Variants in ARID1B observed in about 807,000 individuals in gnomAD.
ARID1B encodes AT-rich interactive domain-containing protein 1B.
Under a neutral mutation model 212.3 loss-of-function variants are expected in ARID1B, and 30 were observed. The observed-to-expected ratio is 0.14, with a 90% confidence interval of 0.11 to 0.19. The LOEUF (loss-of-function observed/expected upper bound fraction) is 0.19, where lower values mean the gene tolerates loss of function less well. Ranked by LOEUF, ARID1B falls within the 10% of genes least tolerant of loss-of-function variation. ARID1B has a pLI of 1.00. For missense variants in ARID1B, 2,891 were observed against 3,204.0 expected, an observed-to-expected ratio of 0.90 and a Z score of 2.36; for synonymous variants, 1,402 against 1,301.7, an observed-to-expected ratio of 1.08 and a Z score of -1.66.
chr6:156,797,563 C>T (rs573625761), intron 1 of ARID1B, among the ~76,000 whole-genome samples: 157 of 152,268 alleles, frequency 1.0e-3, no homozygotes, highest in African/African-American at 3.4e-3. Context: ...ACCTTGCAAG[C>T]GCAAGGTTCT....
At chr6:156,807,555 A>G (rs1781263711) in intron 1 of ARID1B, among the ~76,000 whole-genome samples, 1 of 151,020 alleles carries the variant, frequency 6.6e-6, no homozygotes, top group Admixed American at 6.6e-5. Flanking sequence ...GAATATTTAA[A>G]CTCTCATTTA....
At chr6:157,179,039 T>A (rs1792319584) in intron 11 of ARID1B, among the ~76,000 whole-genome samples, 1 of 152,248 alleles carries the variant, frequency 6.6e-6, no homozygotes, top group Non-Finnish European at 1.5e-5. Context: ...TTACCTCAGT[T>A]TTTTACAAAT....
At chr6:156,797,622 G>T (rs138416245) in intron 1 of ARID1B, among the ~76,000 whole-genome samples, 40 of 152,336 alleles carry the variant, frequency 2.6e-4, no homozygotes, top group African/African-American at 8.9e-4. Flanking sequence ...TTTTTTGAAG[G>T]TGTTCCTGCT....
intron 3 of ARID1B, 42 bp downstream of exon 3, chr6:156,901,567 C>T (rs778691255): frequency 1.5e-5 from 24 of 1,578,944 alleles, no homozygotes; most frequent in Admixed American, 1.8e-5. Context: ...GTTTTCTCCA[C>T]CAAGGCAGAC....
intron 3 of ARID1B, among the ~76,000 whole-genome samples, chr6:156,925,205 G>T (rs1439697767): frequency 2.0e-5 from 3 of 152,170 alleles, no homozygotes; most frequent in Non-Finnish European, 4.4e-5. Flanking sequence ...GGGACTGCAG[G>T]TCCTTGTTTA....
chr6:156,935,675 G>A, intron 4 of ARID1B, 99 bp downstream of exon 4: 2 of 1,116,938 alleles, frequency 1.8e-6, no homozygotes, highest in Non-Finnish European at 2.6e-6. Context: ...TGACATGATT[G>A]AGAAGTTTCT....
At chr6:156,871,728 T>C in intron 2 of ARID1B, 1 of 1,520,756 alleles carries the variant, frequency 6.6e-7, no homozygotes. Flanking sequence ...AGCTGGCACA[T>C]CTGTGTTGTT....
At chr6:156,909,140 T>TA (rs1789658213) in intron 3 of ARID1B, among the ~76,000 whole-genome samples, 1 of 146,780 alleles carries the variant, frequency 6.8e-6, no homozygotes, top group African/African-American at 2.5e-5. Flanking sequence ...TTTTTTTTTT[T>TA]TTTGAGACAG....
intron 4 of ARID1B, among the ~76,000 whole-genome samples, chr6:157,043,567 T>G (rs1359899218): frequency 6.6e-6 from 1 of 152,238 alleles, no homozygotes; most frequent in East Asian, 1.9e-4. Context: ...CATATTGACT[T>G]TCACATGGTA....
At chr6:157,172,824 C>T (rs1791813790) in intron 9 of ARID1B, 1 of 150,668 alleles carries the variant, frequency 6.6e-6, no homozygotes, top group South Asian at 2.1e-4. Context: ...TTTCTTGGCA[C>T]ATAACGCTAC....
At chr6:156,789,041 C>T (rs142418924) in intron 1 of ARID1B, among the ~76,000 whole-genome samples, 151 of 152,310 alleles carry the variant, frequency 9.9e-4, no homozygotes, top group African/African-American at 3.5e-3. Flanking sequence ...CCTCAAAGTG[C>T]ACCATCTAAG....
rs1188660877 is a variant in ARID1B, at chr6:156,778,225, A to C, written c.545A>C (p.His182Pro). The change falls in exon 1 of 20, where the codon CAC becomes CCC. Residue 182 changes from histidine to proline, a missense_variant. Physicochemically the swap from His to Pro is moderately conservative, Grantham distance 77 (BLOSUM62 -2). This residue lies in a region of ARID1B where 1,643 missense variants were observed against 1,544.0 expected (regional missense o/e 1.06). Coordinates refer to ENST00000636930, the MANE Select transcript of ARID1B (RefSeq NM_001374828.1). Reference protein sequence around the residue: ...HAHHHHHHAHHLHHHHALQQQ... With the variant: ...HAHHHHHHAHPLHHHHALQQQ... Reference sequence around the variant, plus strand: ...CACCACCACCACCACCATGCCCACCACCTCCACCACCACCACGCACTACAG... The same window carrying C: ...CACCACCACCACCACCATGCCCACCCCCTCCACCACCACCACGCACTACAG... The C allele has an allele frequency of 3.3e-6, 5 of 1,538,174 alleles. No homozygotes were observed. The highest frequency in any genetic ancestry group is 1.4e-5 in the African/African-American group (1 of 72,632).
At chr6:157,097,667 T>C (rs960016904) in intron 5 of ARID1B, among the ~76,000 whole-genome samples, 1 of 152,142 alleles carries the variant, frequency 6.6e-6, no homozygotes, top group African/African-American at 2.4e-5. Flanking sequence ...TAAAGGAAAG[T>C]GCCTTGGCTT....
In ARID1B at chr6:156,993,045, C is replaced by CTTT. The variant is rs11372694; in HGVS notation, c.2247+57483_2247+57485dup. Among the ~76,000 whole-genome samples, 616 of 135,286 alleles carry CTTT rather than the reference C, an allele frequency of 4.6e-3. 6 individuals are homozygous for CTTT. The highest frequency in any genetic ancestry group is 0.016 in the African/African-American group (581 of 36,516). The allele number at this position is 135,286 out of a possible 152,430, so 88.8% of individuals were successfully genotyped here. A position where few individuals can be genotyped will look rare whatever the true frequency, so the allele number is the denominator to read the frequency against. On this transcript the variant is annotated intron_variant, in intron 4 of 19. Coordinates refer to ENST00000636930, the MANE Select transcript of ARID1B (RefSeq NM_001374828.1). ...CCATAATTGTATATATATGCTTTCG[C>CTTT]TTTTTTTTTTTTTTTTAAGATGGAG...
chr6:157,139,334 T>C (rs955313163), intron 7 of ARID1B, among the ~76,000 whole-genome samples: 1 of 152,152 alleles, frequency 6.6e-6, no homozygotes, highest in Non-Finnish European at 1.5e-5. Context: ...ACTTGCCCTC[T>C]TAGCAAGGTA....
intron 4 of ARID1B, among the ~76,000 whole-genome samples, chr6:157,035,786 T>C (rs1781291172): frequency 6.6e-6 from 1 of 152,226 alleles, no homozygotes; most frequent in Non-Finnish European, 1.5e-5. Flanking sequence ...TGAGCCTGGC[T>C]TTCAGTGAAG....
At chr6:157,050,286 C>T (rs1443293376) in intron 4 of ARID1B, among the ~76,000 whole-genome samples, 1 of 152,146 alleles carries the variant, frequency 6.6e-6, no homozygotes, top group African/African-American at 2.4e-5. Context: ...TGGCTCACTC[C>T]TAGAATCCCA....
At chr6:156,804,686 A>G (rs889276899) in intron 1 of ARID1B, among the ~76,000 whole-genome samples, 3 of 152,120 alleles carry the variant, frequency 2.0e-5, no homozygotes, top group Non-Finnish European at 4.4e-5. Flanking sequence ...CCATGATTCA[A>G]TCACCTCCCA....
Position 157,210,292 on chromosome 6 carries a change from T to A in ARID1B, c.*2401T>A, listed in dbSNP as rs980070415. The A allele has an allele frequency of 3.0e-5, 7 of 230,706 alleles. No homozygotes were observed. The highest frequency in any genetic ancestry group is 5.1e-5 in the Non-Finnish European group (6 of 116,640). The allele number at this position is 230,706 out of a possible 1,614,324, so 14.3% of individuals were successfully genotyped here. ...AAATATGGAGATTTGTAAGAGGGAA[T>A]TCAATATTATTCTAATTTCTCTCTT... On this transcript the variant is annotated 3_prime_UTR_variant, in exon 20 of 20. Transcript: ENST00000636930.
Sources: allele counts gnomAD v4.1 joint callset (sites outside exome capture counted in the v4.1 genomes callset), GRCh38; gene constraint gnomAD v4.1.1; regional missense constraint gnomAD v4.1.1; transcripts MANE v1.5; gene names NCBI Gene and HGNC (gene_info 2026-07-23, HGNC 2026-07-21).